The following AKT2 variants were observed in gnomAD, a reference collection of about 807,000 sequenced individuals.
The protein encoded by AKT2 is AKT serine/threonine kinase 2.
In AKT2, 16 loss-of-function variants were observed where a neutral mutation model predicts 58.6. That is an observed-to-expected ratio of 0.27 (90% CI 0.18 to 0.41). The LOEUF (loss-of-function observed/expected upper bound fraction) is 0.41, where lower values mean the gene tolerates loss of function less well. Ranked by LOEUF, AKT2 falls within the 10% of genes least tolerant of loss-of-function variation. AKT2 has a pLI of 1.00. For missense variants in AKT2, 438 were observed against 661.0 expected (o/e 0.66, Z 3.70); for synonymous variants, 253 against 254.0 (o/e 1.00, Z 0.04).
intron 4 of AKT2, among the ~76,000 whole-genome samples, chr19:40,249,934 G>A (rs942914877): frequency 2.6e-5 from 4 of 152,210 alleles, no homozygotes; most frequent in African/African-American, 7.2e-5. Flanking sequence ...CAGAGACCTC[G>A]TGGAGTCGGG....
At position 40,233,752 on chromosome 19, in the gene AKT2, A is replaced by C; in HGVS notation, c.*120T>G. The C allele has an allele frequency of 1.1e-6, 1 of 896,120 alleles. No individual in the cohort carries two copies. The highest frequency in any genetic ancestry group is 1.7e-6 in the Non-Finnish European group (1 of 576,866). The allele number at this position is 896,120 out of a possible 1,614,324, so 55.5% of individuals were successfully genotyped here. A position where few individuals can be genotyped will look rare whatever the true frequency, so the allele number is the denominator to read the frequency against. Reference sequence around the variant, plus strand: ...TGGGAGGGGCCTGAAGAAGAACTGGAAAGGGGGTGAGGAGGTGGGGGTGGG... The same window carrying C: ...TGGGAGGGGCCTGAAGAAGAACTGGCAAGGGGGTGAGGAGGTGGGGGTGGG... On this transcript the variant is annotated 3_prime_UTR_variant, in exon 14 of 14. Coordinates refer to ENST00000392038, the MANE Select transcript of AKT2 (RefSeq NM_001626.6). This position sits in a 1 kb window ranked among gnomAD's most constrained non-coding sequence, Gnocchi z 4.3.
chr19:40,274,652 G>A (rs542602358), intron 1 of AKT2: 87 of 237,514 alleles, frequency 3.7e-4, no homozygotes, highest in Non-Finnish European at 6.2e-4. Flanking sequence ...CTGAGGCAGC[G>A]CAGTCTGAGC....
At chr19:40,284,231 C>A (rs1388618694) in intron 1 of AKT2, among the ~76,000 whole-genome samples, 7 of 152,114 alleles carry the variant, frequency 4.6e-5, no homozygotes, top group Non-Finnish European at 1.0e-4. Flanking sequence ...TTCCCCCAAA[C>A]ACTCCTTCCT....
chr19:40,234,089 G>A lies in AKT2; in HGVS notation c.1367-138C>T, dbSNP rs993334021. The A allele has an allele frequency of 1.2e-6, 1 of 865,008 alleles. No homozygotes were observed. Among genetic ancestry groups the A allele is most frequent in the Non-Finnish European group, 1.7e-6 (1 of 576,430 alleles). 53.6% of individuals were successfully genotyped at this position (865,008 alleles called of 1,614,324 possible). On this transcript the variant is annotated intron_variant, in intron 13 of 13. Coordinates refer to ENST00000392038, the MANE Select transcript of AKT2 (RefSeq NM_001626.6). This position sits in a 1 kb window ranked among gnomAD's most constrained non-coding sequence, Gnocchi z 4.7. ...CAGGAAAGGCCCATCCCTCCGCAAT[G>A]GAGGCCCTCAGCCACGGACCCACTC...
intron 2 of AKT2, among the ~76,000 whole-genome samples, chr19:40,261,716 A>G (rs941516348): frequency 7.9e-5 from 12 of 152,194 alleles, no homozygotes; most frequent in Non-Finnish European, 1.5e-4. Context: ...ATGTTATAGC[A>G]GCACAGAATG....
rs537134826 is a variant in AKT2, at chr19:40,265,442, G to C, written c.-84-91C>G. ...CGCCGGGCTCTGAGGCCCTCTGGCT[G>C]TTCTGCCCACTCAGCAAAGGGTAAG... is the stretch of plus-strand genomic sequence containing the variant. On this transcript the variant is annotated intron_variant, in intron 1 of 13. Coordinates refer to ENST00000392038, the MANE Select transcript of AKT2 (RefSeq NM_001626.6). The C allele has an allele frequency of 9.9e-5, 147 of 1,488,258 alleles. 1 individual carries two copies. In the South Asian group the frequency reaches 1.8e-3, roughly 18 times the overall value. The allele number at this position is 1,488,258 out of a possible 1,614,324, so 92.2% of individuals were successfully genotyped here. A position where few individuals can be genotyped will look rare whatever the true frequency, so the allele number is the denominator to read the frequency against.
At position 40,232,426 on chromosome 19, in the gene AKT2, GCA is replaced by G. The variant is rs1191141582; in HGVS notation, c.*1444_*1445del. ...CGGAGAACTGTCAGATAACAACATCGCACACAGAGGAAAAAGACCCTCACCCA... is the reference window on the plus strand; with the variant it reads ...CGGAGAACTGTCAGATAACAACATCGCACAGAGGAAAAAGACCCTCACCCA... On this transcript the variant is annotated 3_prime_UTR_variant, in exon 14 of 14. Coordinates refer to ENST00000392038, the MANE Select transcript of AKT2 (RefSeq NM_001626.6). The G allele has an allele frequency of 4.3e-6, 1 of 233,504 alleles. No homozygotes were observed. The highest frequency in any genetic ancestry group is 2.2e-5 in the African/African-American group (1 of 45,198). The allele number at this position is 233,504 out of a possible 1,614,324, so 14.5% of individuals were successfully genotyped here.
chr19:40,253,805 T>A (rs1432045134), intron 4 of AKT2, among the ~76,000 whole-genome samples: 1 of 151,274 alleles, frequency 6.6e-6, no homozygotes, highest in Non-Finnish European at 1.5e-5. Context: ...ACCCCAGTCA[T>A]CACAATAAAG....
In AKT2 at chr19:40,285,266, CCCGGCAGCGGCAACGGCG is replaced by C. The variant is rs1264833605; in HGVS notation, c.-188_-171del. ...GCGCTGGTTCCCTTTCCTTGTGTTT[CCCGGCAGCGGCAACGGCG>C]CCGGCAGCGGCAGCGGCGGCGGCGA... On this transcript the variant is annotated 5_prime_UTR_variant, in exon 1 of 14. Coordinates refer to ENST00000392038, the MANE Select transcript of AKT2 (RefSeq NM_001626.6). 65 of 395,652 alleles carry C rather than the reference CCCGGCAGCGGCAACGGCG, an allele frequency of 1.6e-4. No individual in the cohort carries two copies. Among genetic ancestry groups the C allele is most frequent in the African/African-American group, 1.0e-3 (49 of 48,564 alleles). 24.5% of individuals were successfully genotyped at this position (395,652 alleles called of 1,614,324 possible). A position where few individuals can be genotyped will look rare whatever the true frequency, so the allele number is the denominator to read the frequency against.
At chr19:40,259,042 T>C (rs1356064529) in intron 2 of AKT2, among the ~76,000 whole-genome samples, 5 of 152,190 alleles carry the variant, frequency 3.3e-5, no homozygotes, top group Non-Finnish European at 7.3e-5. Context: ...GTACAGTTTA[T>C]ACAGGACAGA....
chr19:40,239,010 G>C, intron 7 of AKT2, 37 bp from the exon 8 acceptor site: 4 of 1,597,690 alleles, frequency 2.5e-6, no homozygotes, highest in Non-Finnish European at 3.4e-6. Context: ...AGGTGGGAGG[G>C]AGGAGGGCTC....
At chr19:40,249,710 T>C (rs1345094355) in intron 4 of AKT2, among the ~76,000 whole-genome samples, 2 of 152,220 alleles carry the variant, frequency 1.3e-5, no homozygotes, top group Non-Finnish European at 2.9e-5. Flanking sequence ...AATTAATATA[T>C]GAAAAGTCCT....
chr19:40,242,483 G>C lies in AKT2; in HGVS notation c.441+51C>G. 1 of 1,609,674 alleles carries C rather than the reference G, an allele frequency of 6.2e-7. No homozygotes were observed. The highest frequency in any genetic ancestry group is 2.2e-5 in the East Asian group (1 of 44,866). On this transcript the variant is annotated intron_variant, in intron 5 of 13. Coordinates refer to ENST00000392038, the MANE Select transcript of AKT2 (RefSeq NM_001626.6). This position sits in a 1 kb window ranked among gnomAD's most constrained non-coding sequence, Gnocchi z 4.3. ...AACCAAGGAGAGCAGGCCAGCACTGGGGGTGGGGGCACCGCAGGCTGGCAG... is the reference window on the plus strand; with the variant it reads ...AACCAAGGAGAGCAGGCCAGCACTGCGGGTGGGGGCACCGCAGGCTGGCAG...
chr19:40,282,825 G>A (rs993500036), intron 1 of AKT2: 1 of 268,072 alleles, frequency 3.7e-6, no homozygotes, highest in African/African-American at 2.3e-5. Flanking sequence ...CACAGGGCTG[G>A]GCAGAGTATA....
intron 2 of AKT2, among the ~76,000 whole-genome samples, chr19:40,263,205 G>A (rs1976088596): frequency 1.3e-5 from 2 of 152,130 alleles, no homozygotes; most frequent in African/African-American, 4.8e-5. Context: ...CCATCCCAAG[G>A]CTCTCACAGT....
At chr19:40,282,499 C>T in intron 1 of AKT2, 1 of 523,834 alleles carries the variant, frequency 1.9e-6, no homozygotes, top group Non-Finnish European at 3.9e-6. Flanking sequence ...CCAAGAAATG[C>T]TGGACTGGCT....
intron 3 of AKT2, among the ~76,000 whole-genome samples, chr19:40,255,984 G>A (rs1399504414): frequency 6.6e-6 from 1 of 152,172 alleles, no homozygotes; most frequent in Non-Finnish European, 1.5e-5. Context: ...ATGGGAAGAG[G>A]GCACTGAGGA....
chr19:40,235,140 G>A lies in AKT2; in HGVS notation c.1271C>T (p.Pro424Leu), dbSNP rs1973935937. 6.2e-7 allele frequency: 1 copy of A among 1,614,070 alleles called. No individual in the cohort carries two copies. Among genetic ancestry groups the A allele is most frequent in the Non-Finnish European group, 8.5e-7 (1 of 1,179,982 alleles). ...GGACGTGACCTGAGGTTTGAAGGGT[G>A]GCAGGAGCTACGGAGGAGAGGAGCT... ...WQDVVQKKLL[P>L]PFKPQVTSEV... Residue 424 changes from proline (P) to leucine (L), a missense_variant, in exon 13 of 14, where the codon CCA becomes CTA. By Grantham distance (98) the Pro-to-Leu change is moderately conservative (BLOSUM62 -3). This residue lies in a region of AKT2 where 148 missense variants were observed against 199.5 expected (regional missense o/e 0.74). Transcript: ENST00000392038. This position sits in a 1 kb window ranked among gnomAD's most constrained non-coding sequence, Gnocchi z 6.3.
At chr19:40,265,578 C>A (rs1352654286) in intron 1 of AKT2, 4 of 535,070 alleles carry the variant, frequency 7.5e-6, no homozygotes, top group Non-Finnish European at 1.3e-5. Context: ...CCGGCCTAAG[C>A]GCAGGCCAGA....
Sources: allele counts gnomAD v4.1 joint callset (sites outside exome capture counted in the v4.1 genomes callset), GRCh38; gene constraint gnomAD v4.1.1; regional missense constraint gnomAD v4.1.1; non-coding constraint Gnocchi (gnomAD v3.1); transcripts MANE v1.5; gene names NCBI Gene and HGNC (gene_info 2026-07-23, HGNC 2026-07-21).